RANBP17: variants seen among roughly 807,000 people sequenced by gnomAD.
The protein encoded by RANBP17 is ran-binding protein 17.
Under a neutral mutation model 141.2 loss-of-function variants are expected in RANBP17, and 158 were observed. That is an observed-to-expected ratio of 1.12 (90% CI 0.98 to 1.28). RANBP17 has a LOEUF of 1.28. Ranked by LOEUF, RANBP17 falls within the 50% of genes most tolerant of loss-of-function variation. RANBP17 has a pLI of 0.00. For synonymous variants in RANBP17, 430 were observed against 450.0 expected (o/e 0.96, Z 0.56); for missense variants, 1,438 against 1,290.7 (o/e 1.11, Z -1.75).
At chr5:171,094,505 G>A (rs1326458302) in intron 14 of RANBP17, among the ~76,000 whole-genome samples, 1 of 151,962 alleles carries the variant, frequency 6.6e-6, no homozygotes, top group Non-Finnish European at 1.5e-5. Context: ...TGTATTTAAG[G>A]TGGGTTTGTC....
intron 14 of RANBP17, among the ~76,000 whole-genome samples, chr5:171,146,996 C>T (rs953291174): frequency 5.3e-5 from 8 of 152,088 alleles, no homozygotes; most frequent in South Asian, 2.1e-4. Context: ...TATATGTGAG[C>T]GTTAAATTAG....
chr5:171,174,792 G>GTA (rs1554110497), intron 16 of RANBP17, among the ~76,000 whole-genome samples: 1 of 148,304 alleles, frequency 6.7e-6, no homozygotes, highest in Non-Finnish European at 1.5e-5. Flanking sequence ...GTGTGTGTGT[G>GTA]TATTTTGAGG....
chr5:171,002,008 C>G (rs555961600), intron 14 of RANBP17, among the ~76,000 whole-genome samples: 5 of 151,796 alleles, frequency 3.3e-5, no homozygotes, highest in Non-Finnish European at 7.4e-5. Context: ...CCGAGTTTGA[C>G]GTGTAGGGAA....
Position 170,968,376 on chromosome 5 carries a change from AG to A in RANBP17, c.1710+1del. The A allele has an allele frequency of 6.2e-7, 1 of 1,603,740 alleles. No homozygotes were observed. Among genetic ancestry groups the A allele is most frequent in the Non-Finnish European group, 8.5e-7 (1 of 1,176,028 alleles). ...YVGDQLQRTS[K>X]VYARMSEVLG... ...GGTGATCAACTTCAAAGAACCTCAA[AG>A]GTAGGTTTCTACTAGAGAGTTTAAA... On this transcript the variant is annotated frameshift_variant and splice_region_variant, in exon 14 of 28. Coordinates refer to ENST00000523189, the MANE Select transcript of RANBP17 (RefSeq NM_022897.5). LOFTEE classifies it high-confidence loss of function.
At chr5:171,214,555 A>C (rs1763099916) in intron 21 of RANBP17, among the ~76,000 whole-genome samples, 1 of 152,188 alleles carries the variant, frequency 6.6e-6, no homozygotes, top group Admixed American at 6.6e-5. Flanking sequence ...TATGGGTTGC[A>C]GCTCTAATGT....
At chr5:171,231,444 T>C (rs1442248748) in intron 22 of RANBP17, among the ~76,000 whole-genome samples, 1 of 152,180 alleles carries the variant, frequency 6.6e-6, no homozygotes, top group African/African-American at 2.4e-5. Flanking sequence ...ACTCTAAGAC[T>C]ATACGTAGGA....
In RANBP17 at chr5:171,163,901, A is replaced by G. The variant is rs376577551; in HGVS notation, c.1711-6229A>G. 1.1e-3 allele frequency among the ~76,000 whole-genome samples: 165 copies of G among 152,304 alleles called. 3 individuals are homozygous for G. The South Asian group carries it at 0.034, about 31-fold the overall frequency. On this transcript the variant is annotated intron_variant, in intron 14 of 27. Transcript: ENST00000523189. Reference sequence around the variant, plus strand: ...TTTCTGCATTGAGCCTGCTTAAACAATGCACTAAAGCTCTTTGAGAAGTTA... The same window carrying G: ...TTTCTGCATTGAGCCTGCTTAAACAGTGCACTAAAGCTCTTTGAGAAGTTA...
intron 19 of RANBP17, among the ~76,000 whole-genome samples, chr5:171,203,685 A>G (rs1221959935): frequency 6.6e-6 from 1 of 152,172 alleles, no homozygotes; most frequent in African/African-American, 2.4e-5. Context: ...GTGATAAAAT[A>G]AAAATTAATA....
chr5:170,934,485 T>C (rs1027827646), intron 12 of RANBP17, among the ~76,000 whole-genome samples: 1 of 152,192 alleles, frequency 6.6e-6, no homozygotes, highest in Non-Finnish European at 1.5e-5. Flanking sequence ...CCACGTTTAG[T>C]GTAAGGCAGG....
chr5:171,013,534 C>G (rs1314014310), intron 14 of RANBP17, among the ~76,000 whole-genome samples: 3 of 152,100 alleles, frequency 2.0e-5, no homozygotes, highest in Non-Finnish European at 2.9e-5. Flanking sequence ...ATCCTTTCTT[C>G]CATTTAATTA....
chr5:170,960,448 T>A (rs1461338317), intron 13 of RANBP17, among the ~76,000 whole-genome samples: 1 of 152,242 alleles, frequency 6.6e-6, no homozygotes. Flanking sequence ...ACCCTGGCTC[T>A]CTTCACATGT....
At chr5:171,122,326 A>G (rs1038364482) in intron 14 of RANBP17, among the ~76,000 whole-genome samples, 9 of 152,286 alleles carry the variant, frequency 5.9e-5, no homozygotes, top group South Asian at 4.2e-4. Flanking sequence ...CTAGTCAGCT[A>G]TCTTGCTGAC....
chr5:170,915,582 G>A (rs1328048880), intron 8 of RANBP17, among the ~76,000 whole-genome samples: 5 of 151,968 alleles, frequency 3.3e-5, no homozygotes, highest in South Asian at 2.1e-4. Context: ...GCAAACTGGA[G>A]CACATCTAAA....
rs1371134133 is a variant in RANBP17, at chr5:170,955,637, ATATG to A, written c.1574+1936_1574+1939del. Among the ~76,000 whole-genome samples, 2 of 70,202 alleles carry A rather than the reference ATATG, an allele frequency of 2.8e-5. 1 individual carries two copies. Among genetic ancestry groups the A allele is most frequent in the Non-Finnish European group, 5.0e-5 (2 of 40,196 alleles). The allele number at this position is 70,202 out of a possible 152,430, so 46.1% of individuals were successfully genotyped here. A position where few individuals can be genotyped will look rare whatever the true frequency, so the allele number is the denominator to read the frequency against. ...TCAGTGTATATATATATATATATAT[ATATG>A]CTCAGTGTATATATATATATATATA... On this transcript the variant is annotated intron_variant, in intron 13 of 27. Transcript: ENST00000523189.
chr5:170,874,615 A>C (rs774982127), intron 1 of RANBP17, among the ~76,000 whole-genome samples: 14 of 151,174 alleles, frequency 9.3e-5, no homozygotes, highest in Non-Finnish European at 1.5e-4. Context: ...TTGTTGGTTT[A>C]AAGTCTGTTT....
intron 14 of RANBP17, among the ~76,000 whole-genome samples, chr5:171,116,771 T>C (rs1755660750): frequency 6.6e-6 from 1 of 152,196 alleles, no homozygotes; most frequent in Non-Finnish European, 1.5e-5. Flanking sequence ...AGCTGTAATT[T>C]TGCGTGTGTG....
chr5:171,105,255 G>A (rs1232407404), intron 14 of RANBP17, among the ~76,000 whole-genome samples: 3 of 148,794 alleles, frequency 2.0e-5, no homozygotes, highest in African/African-American at 7.4e-5. Context: ...AGTGGCGGGC[G>A]CCTGTAGTCC....
intron 14 of RANBP17, among the ~76,000 whole-genome samples, chr5:171,096,186 C>A (rs1034856540): frequency 6.6e-6 from 1 of 152,034 alleles, no homozygotes; most frequent in African/African-American, 2.4e-5. Flanking sequence ...ACAGTTCAAA[C>A]CTGCATTATT....
rs544047030 is a variant in RANBP17, at chr5:170,878,364, G to A, written c.165+121G>A. 20 of 848,280 alleles carry A rather than the reference G, an allele frequency of 2.4e-5. No individual in the cohort carries two copies. The African/African-American group carries it at 2.9e-4, about 12-fold the overall frequency. 52.5% of individuals were successfully genotyped at this position (848,280 alleles called of 1,614,324 possible). ...TGCCACATGGTTTTTTTGTTTTTGT[G>A]AAACTATAGTTTCACTGTCAAAGGG... On this transcript the variant is annotated intron_variant, in intron 2 of 27. Coordinates refer to ENST00000523189, the MANE Select transcript of RANBP17 (RefSeq NM_022897.5).
Sources: gnomAD v4.1 joint callset for allele counts (sites outside exome capture counted in the v4.1 genomes callset) on GRCh38, gnomAD v4.1.1 for gene constraint, MANE v1.5 for transcripts, NCBI Gene and HGNC (gene_info 2026-07-23, HGNC 2026-07-21) for gene names.